Variants in DSCAM observed in about 807,000 individuals in gnomAD.
The protein encoded by DSCAM is DS cell adhesion molecule.
Under a neutral mutation model 217.7 loss-of-function variants are expected in DSCAM, and 47 were observed. The ratio of observed to expected loss-of-function variants is 0.22; its 90% CI spans 0.17 to 0.28. The LOEUF (loss-of-function observed/expected upper bound fraction) is 0.28. Ranked by LOEUF, DSCAM falls within the 10% of genes least tolerant of loss-of-function variation. DSCAM has a pLI of 1.00. For missense variants in DSCAM, 2,080 were observed against 2,618.3 expected (o/e 0.79, Z 4.49); for synonymous variants, 1,056 against 1,015.3 (o/e 1.04, Z -0.76).
At chr21:40,119,442 G>A (rs1320006095) in intron 20 of DSCAM, among the ~76,000 whole-genome samples, 8 of 152,156 alleles carry the variant, frequency 5.3e-5, no homozygotes, top group African/African-American at 1.9e-4. Flanking sequence ...TCCTGAGTAC[G>A]CAGATGGTGG....
At chr21:40,114,719 A>T (rs955896941) in intron 20 of DSCAM, among the ~76,000 whole-genome samples, 4 of 152,224 alleles carry the variant, frequency 2.6e-5, no homozygotes, top group African/African-American at 9.6e-5. Flanking sequence ...ATTTACAAGA[A>T]AAAAACAAAC....
chr21:40,347,756 A>G lies in DSCAM; in HGVS notation c.1124T>C (p.Met375Thr), dbSNP rs1042295795. The change falls in exon 6 of 33, where the codon ATG (methionine) becomes ACG (threonine). Residue 375 changes from methionine (M) to threonine (T), a missense_variant. Met to Thr is a moderately conservative substitution (Grantham distance 81). This residue lies in a region of DSCAM where 568 missense variants were observed against 678.1 expected (regional missense o/e 0.84). Coordinates refer to ENST00000400454, the MANE Select transcript of DSCAM (RefSeq NM_001389.5). ...INHENLIMDH[M>T]VKSDGGAYQC... Reference sequence around the variant, plus strand: ...GTATGCGCCCCCGTCACTTTTGACCATGTGATCCATTATAAGGTTTTCGTG... The same window carrying G: ...GTATGCGCCCCCGTCACTTTTGACCGTGTGATCCATTATAAGGTTTTCGTG... The G allele has an allele frequency of 6.2e-7, 1 of 1,614,198 alleles. No individual in the cohort carries two copies. The highest frequency in any genetic ancestry group is 2.2e-5 in the East Asian group (1 of 44,880).
intron 3 of DSCAM, among the ~76,000 whole-genome samples, chr21:40,471,934 T>C (rs1006562925): frequency 6.6e-6 from 1 of 152,130 alleles, no homozygotes; most frequent in Non-Finnish European, 1.5e-5. Flanking sequence ...CTAATGCTAT[T>C]CCTCCCCGTT....
At chr21:40,449,544 A>T (rs1366844140) in intron 3 of DSCAM, among the ~76,000 whole-genome samples, 2 of 152,200 alleles carry the variant, frequency 1.3e-5, no homozygotes, top group Admixed American at 1.3e-4. Flanking sequence ...TTGATGTGTG[A>T]CCAAAAAAGT....
At chr21:40,298,878 T>C (rs1053596804) in intron 9 of DSCAM, among the ~76,000 whole-genome samples, 1 of 152,160 alleles carries the variant, frequency 6.6e-6, no homozygotes, top group African/African-American at 2.4e-5. Flanking sequence ...TCCAACGAAA[T>C]GTTCCTTAAA....
intron 3 of DSCAM, among the ~76,000 whole-genome samples, chr21:40,391,186 G>A (rs1015604448): frequency 6.6e-6 from 1 of 152,180 alleles, no homozygotes; most frequent in African/African-American, 2.4e-5. Context: ...AGACAGGTGA[G>A]AGCTATTGCC....
chr21:40,563,756 A>G (rs1234031712), intron 3 of DSCAM, among the ~76,000 whole-genome samples: 1 of 136,176 alleles, frequency 7.3e-6, no homozygotes, highest in Admixed American at 7.7e-5. Flanking sequence ...TTATATGTTT[A>G]TATATGTTTG....
At chr21:40,083,803 G>A in intron 24 of DSCAM, 105 bp downstream of exon 24, 2 of 748,192 alleles carry the variant, frequency 2.7e-6, no homozygotes, top group South Asian at 2.2e-5. Context: ...TATTTTTGGG[G>A]GAGAATAAAG....
chr21:40,732,999 C>T (rs1048070939), intron 1 of DSCAM, among the ~76,000 whole-genome samples: 2 of 152,268 alleles, frequency 1.3e-5, no homozygotes, highest in South Asian at 2.1e-4. Context: ...TGGGAAAATA[C>T]TCTCATCTAT....
intron 8 of DSCAM, among the ~76,000 whole-genome samples, chr21:40,320,766 G>A (rs556784703): frequency 6.1e-4 from 93 of 152,216 alleles, no homozygotes; most frequent in African/African-American, 2.1e-3. Flanking sequence ...TCACTACCAC[G>A]AGAACAGTAT....
At chr21:40,368,812 T>C (rs2074862042) in intron 4 of DSCAM, among the ~76,000 whole-genome samples, 2 of 152,220 alleles carry the variant, frequency 1.3e-5, no homozygotes, top group African/African-American at 4.8e-5. Context: ...GCATTTGAGA[T>C]GGATATTTGG....
At chr21:40,759,369 T>G (rs987366166) in intron 1 of DSCAM, among the ~76,000 whole-genome samples, 5 of 152,204 alleles carry the variant, frequency 3.3e-5, no homozygotes, top group African/African-American at 1.2e-4. Flanking sequence ...GGCTCTGCTT[T>G]GAATTCCTCA....
At chr21:40,641,963 G>A (rs2146342609) in intron 3 of DSCAM, among the ~76,000 whole-genome samples, 1 of 148,448 alleles carries the variant, frequency 6.7e-6, no homozygotes, top group South Asian at 2.2e-4. Flanking sequence ...CAGGAGAATT[G>A]TTTGAACCCG....
At chr21:40,332,000 C>T (rs570320620) in intron 8 of DSCAM, among the ~76,000 whole-genome samples, 5 of 152,168 alleles carry the variant, frequency 3.3e-5, no homozygotes, top group Admixed American at 2.0e-4. Context: ...CAAAGGCTTT[C>T]GCCAAGACAC....
Position 40,363,427 on chromosome 21 carries a change from A to AT in DSCAM, c.655+5671dup, listed in dbSNP as rs769693624. 2.0e-4 allele frequency among the ~76,000 whole-genome samples: 30 copies of AT among 151,524 alleles called. 1 individual carries two copies. In the East Asian group the frequency reaches 2.5e-3, roughly 13 times the overall value. ...ACCACTATACCTGGGTAATTTTTGT[A>AT]TTTTTAGTAGAGATGGGGTTTCATC... On this transcript the variant is annotated intron_variant, in intron 4 of 32. Coordinates refer to ENST00000400454, the MANE Select transcript of DSCAM (RefSeq NM_001389.5).
intron 3 of DSCAM, among the ~76,000 whole-genome samples, chr21:40,560,128 A>C (rs530595639): frequency 6.6e-6 from 1 of 152,262 alleles, no homozygotes; most frequent in East Asian, 1.9e-4. Flanking sequence ...CTTGTGCTTA[A>C]ATTCTCACCC....
chr21:40,186,130 CGA>C (rs1467572750), intron 14 of DSCAM, among the ~76,000 whole-genome samples: 1 of 152,130 alleles, frequency 6.6e-6, no homozygotes, highest in African/African-American at 2.4e-5. Flanking sequence ...CCTGAATTCC[CGA>C]AGAGTCACCC....
chr21:40,728,801 A>C (rs1476832513), intron 1 of DSCAM, among the ~76,000 whole-genome samples: 1 of 152,170 alleles, frequency 6.6e-6, no homozygotes, highest in Non-Finnish European at 1.5e-5. Context: ...CATCATTGTC[A>C]CATTTAATCC....
chr21:40,826,659 T>C (rs1234878651), intron 1 of DSCAM, among the ~76,000 whole-genome samples: 2 of 152,134 alleles, frequency 1.3e-5, no homozygotes, highest in African/African-American at 4.8e-5. Context: ...ATACAAGATG[T>C]GAAGGACAGA....
Sources: allele counts gnomAD v4.1 joint callset (sites outside exome capture counted in the v4.1 genomes callset), GRCh38; gene constraint gnomAD v4.1.1; regional missense constraint gnomAD v4.1.1; transcripts MANE v1.5; gene names NCBI Gene and HGNC (gene_info 2026-07-23, HGNC 2026-07-21).